Variants in CDH8 observed in about 807,000 individuals in gnomAD.
CDH8 encodes the protein cadherin-8.
CDH8 carries 17 observed loss-of-function variants against 68.1 expected under a neutral mutation model. That is an observed-to-expected ratio of 0.25 (90% CI 0.17 to 0.37). The LOEUF (loss-of-function observed/expected upper bound fraction) is 0.37, where lower values mean the gene tolerates loss of function less well. Among genes scored for constraint, CDH8 ranks in the 10% least tolerant of loss-of-function variants. CDH8 has a pLI of 1.00. For missense variants in CDH8, 763 were observed against 999.3 expected, an observed-to-expected ratio of 0.76 and a Z score of 3.19; for synonymous variants, 372 against 365.1, an observed-to-expected ratio of 1.02 and a Z score of -0.21.
intron 2 of CDH8, among the ~76,000 whole-genome samples, chr16:61,919,051 G>A (rs192274289): frequency 0.017 from 2,449 of 146,056 alleles, 96 homozygotes; most frequent in Non-Finnish European, 0.023. Flanking sequence ...CCCAGCAGGG[G>A]CATACTGACA....
intron 2 of CDH8, among the ~76,000 whole-genome samples, chr16:62,004,905 T>C (rs1423895931): frequency 2.0e-5 from 3 of 152,214 alleles, no homozygotes; most frequent in Non-Finnish European, 4.4e-5. Context: ...TTTTATAAAA[T>C]TTAAAAGAGA....
chr16:61,913,308 G>T (rs1345971927), intron 2 of CDH8, among the ~76,000 whole-genome samples: 1 of 152,134 alleles, frequency 6.6e-6, no homozygotes, highest in African/African-American at 2.4e-5. Context: ...TAATCAAAAA[G>T]TTTTAAATTT....
chr16:61,871,833 A>C (rs1210707603), intron 3 of CDH8, among the ~76,000 whole-genome samples: 1 of 147,890 alleles, frequency 6.8e-6, no homozygotes, highest in Non-Finnish European at 1.5e-5. Context: ...AAAAAAAAAA[A>C]AAAAAAAAAA....
At chr16:61,930,270 AACACACAC>A (rs369686237) in intron 2 of CDH8, among the ~76,000 whole-genome samples, 61 of 144,352 alleles carry the variant, frequency 4.2e-4, no homozygotes, top group African/African-American at 1.3e-3. Context: ...AAAGTTAGAA[AACACACAC>A]ACACACACAC....
chr16:61,810,475 G>GGAGA (rs143810797), intron 7 of CDH8, among the ~76,000 whole-genome samples: 7 of 150,060 alleles, frequency 4.7e-5, no homozygotes, highest in Middle Eastern at 3.4e-3. Context: ...TAGTCAGAGA[G>GGAGA]GAGAGAGAGA....
At chr16:61,813,592 T>A (rs1962003661) in intron 7 of CDH8, among the ~76,000 whole-genome samples, 2 of 152,120 alleles carry the variant, frequency 1.3e-5, no homozygotes, top group African/African-American at 4.8e-5. Flanking sequence ...GGGAGAAGCC[T>A]GGTCTCCAGT....
At chr16:61,798,068 A>G (rs1961538425) in intron 7 of CDH8, among the ~76,000 whole-genome samples, 1 of 152,146 alleles carries the variant, frequency 6.6e-6, no homozygotes, top group Non-Finnish European at 1.5e-5. Flanking sequence ...ATTCAGTTTG[A>G]CTCATGATCA....
chr16:61,669,271 C>T (rs111658753), intron 10 of CDH8, among the ~76,000 whole-genome samples: 2 of 152,142 alleles, frequency 1.3e-5, no homozygotes, highest in African/African-American at 2.4e-5. Flanking sequence ...TACTTTGACA[C>T]ATTTAATTAA....
intron 4 of CDH8, among the ~76,000 whole-genome samples, chr16:61,849,509 T>C (rs1021819059): frequency 6.6e-6 from 1 of 152,082 alleles, no homozygotes; most frequent in African/African-American, 2.4e-5. Flanking sequence ...TAGCCACCCT[T>C]GCACCTCTCC....
intron 4 of CDH8, among the ~76,000 whole-genome samples, 195 bp downstream of exon 4, chr16:61,856,924 A>T (rs562886803): frequency 6.6e-6 from 1 of 152,266 alleles, no homozygotes; most frequent in Admixed American, 6.5e-5. Context: ...ATATCCTACA[A>T]ATGCTCTGTG....
chr16:61,994,812 A>G (rs945794158), intron 2 of CDH8, among the ~76,000 whole-genome samples: 2 of 152,220 alleles, frequency 1.3e-5, no homozygotes, highest in Non-Finnish European at 2.9e-5. Context: ...GCAAGAGAAC[A>G]TATTTCTCAA....
At chr16:61,776,635 T>C (rs1175323081) in intron 8 of CDH8, among the ~76,000 whole-genome samples, 5 of 152,164 alleles carry the variant, frequency 3.3e-5, no homozygotes, top group Non-Finnish European at 7.3e-5. Flanking sequence ...GGTTGGGTAG[T>C]TTTGCTTGAT....
At chr16:61,832,379 GAT>G (rs1442092983) in intron 4 of CDH8, among the ~76,000 whole-genome samples, 1 of 145,098 alleles carries the variant, frequency 6.9e-6, no homozygotes. Context: ...TAGATAGATA[GAT>G]ACATAGAGAA....
Position 61,973,534 on chromosome 16 carries a change from AG to A in CDH8, c.252+47617del, listed in dbSNP as rs570605550. ...AAAGGTCAACTGTGTACGGCTCTTC[AG>A]AGTCCTGAATCAGGTGCATGTGGTT... On this transcript the variant is annotated intron_variant, in intron 2 of 11. Coordinates refer to ENST00000577390, the MANE Select transcript of CDH8 (RefSeq NM_001796.5). Among the ~76,000 whole-genome samples, 20 of 152,312 alleles carry A rather than the reference AG, an allele frequency of 1.3e-4. No homozygotes were observed. In the East Asian group the frequency reaches 3.9e-3, roughly 29 times the overall value.
At chr16:61,689,290 C>A (rs1964170737) in intron 10 of CDH8, among the ~76,000 whole-genome samples, 1 of 152,030 alleles carries the variant, frequency 6.6e-6, no homozygotes. Context: ...CTCTCGCAAT[C>A]ACTCAGGTAT....
At chr16:61,971,318 T>C (rs1965337194) in intron 2 of CDH8, among the ~76,000 whole-genome samples, 1 of 152,174 alleles carries the variant, frequency 6.6e-6, no homozygotes, top group Non-Finnish European at 1.5e-5. Flanking sequence ...CAGGCTGTTT[T>C]ATCTGTGCTT....
chr16:61,920,238 C>A (rs1227542163), intron 2 of CDH8, among the ~76,000 whole-genome samples: 10 of 134,312 alleles, frequency 7.4e-5, no homozygotes, highest in Admixed American at 7.5e-5. Flanking sequence ...GCAACAAAAG[C>A]CAAAATTGAC....
At chr16:61,822,754 T>C (rs1335006749) in intron 5 of CDH8, among the ~76,000 whole-genome samples, 1 of 151,884 alleles carries the variant, frequency 6.6e-6, no homozygotes, top group Non-Finnish European at 1.5e-5. Flanking sequence ...ATATTCCAAG[T>C]AAGGTTTGAG....
chr16:61,993,490 T>C (rs944827068), intron 2 of CDH8, among the ~76,000 whole-genome samples: 1 of 152,182 alleles, frequency 6.6e-6, no homozygotes, highest in Non-Finnish European at 1.5e-5. Context: ...TTTTTAAATG[T>C]TTGCAACAGT....
Sources: allele counts gnomAD v4.1 joint callset (sites outside exome capture counted in the v4.1 genomes callset), GRCh38; gene constraint gnomAD v4.1.1; transcripts MANE v1.5; gene names NCBI Gene and HGNC (gene_info 2026-07-23, HGNC 2026-07-21).